The following AK3 variants were observed in gnomAD, a reference collection of about 807,000 sequenced individuals.
The protein encoded by AK3 is adenylate kinase 3.
In AK3, 27 loss-of-function variants were observed where a neutral mutation model predicts 23.7. The observed-to-expected ratio is 1.14, with a 90% CI of 0.84 to 1.57. The LOEUF is 1.57. Among genes scored for constraint, AK3 ranks in the 40% most tolerant of loss-of-function variants. The pLI, the probability that AK3 is intolerant of heterozygous loss-of-function variation, is 0.00. For missense variants in AK3, 406 were observed against 285.6 expected (o/e 1.42, Z -3.04); for synonymous variants, 159 against 116.0 (o/e 1.37, Z -2.38).
At chr9:4,713,558 T>C (rs1227700386) in intron 4 of AK3, among the ~76,000 whole-genome samples, 1 of 152,176 alleles carries the variant, frequency 6.6e-6, no homozygotes, top group Non-Finnish European at 1.5e-5. Flanking sequence ...CTTACTCTTT[T>C]GCAAAAGCTA....
intron 4 of AK3, 141 bp downstream of exon 4, chr9:4,718,278 G>C: frequency 1.5e-6 from 1 of 664,162 alleles, no homozygotes; most frequent in South Asian, 1.8e-5. Context: ...TGTTACACAA[G>C]CTAATGTATT....
At chr9:4,728,866 T>TATATATATATACACACAC (rs1395790351) in intron 1 of AK3, among the ~76,000 whole-genome samples, 4 of 87,900 alleles carry the variant, frequency 4.6e-5, no homozygotes, top group Non-Finnish European at 7.2e-5. Context: ...TATATATATA[T>TATATATATATACACACAC]ACACACACAC....
At chr9:4,736,764 A>C (rs1842303701) in intron 1 of AK3, among the ~76,000 whole-genome samples, 1 of 151,920 alleles carries the variant, frequency 6.6e-6, no homozygotes, top group African/African-American at 2.4e-5. Flanking sequence ...TGCAGCCTCG[A>C]ACTCCTGAGT....
Position 4,718,550 on chromosome 9 carries a change from A to G in AK3, c.445-13T>C, listed in dbSNP as rs1206077936. ...GGTCATCAATGCCCTAAACAGGATT[A>G]GAAGAGACTAGTATCAGATATCATA... On this transcript the variant is annotated splice_polypyrimidine_tract_variant and intron_variant, in intron 3 of 4. Coordinates refer to ENST00000381809, the MANE Select transcript of AK3 (RefSeq NM_016282.4). The G allele has an allele frequency of 6.6e-7, 1 of 1,519,800 alleles. No individual in the cohort carries two copies. Among genetic ancestry groups the G allele is most frequent in the African/African-American group, 1.4e-5 (1 of 73,006 alleles). 94.1% of individuals were successfully genotyped at this position (1,519,800 alleles called of 1,614,324 possible).
chr9:4,722,646 A>C (rs1841930738), intron 1 of AK3, 21 bp from the exon 2 acceptor site: 1 of 1,613,970 alleles, frequency 6.2e-7, no homozygotes, highest in Non-Finnish European at 8.5e-7. Flanking sequence ...GCGGGGAAAA[A>C]AATCAGTAAG....
intron 1 of AK3, among the ~76,000 whole-genome samples, chr9:4,733,753 A>C (rs974620162): frequency 1.3e-5 from 2 of 151,788 alleles, no homozygotes; most frequent in Non-Finnish European, 2.9e-5. Flanking sequence ...CTCCTCCCTC[A>C]TCCTCCCCAT....
rs1341209420 is a variant in AK3 at position 4,714,204 on chromosome 9, A to ACACACACC, written c.564-1109_564-1108insGGTGTGTG. Among the ~76,000 whole-genome samples the ACACACACC allele has an allele frequency of 4.1e-3, 400 of 98,096 alleles. 23 individuals carry two copies. The highest frequency in any genetic ancestry group is 4.7e-3 in the Non-Finnish European group (208 of 43,794). The allele number at this position is 98,096 out of a possible 152,430, so 64.4% of individuals were successfully genotyped here. On this transcript the variant is annotated intron_variant, in intron 4 of 4. Coordinates refer to ENST00000381809, the MANE Select transcript of AK3 (RefSeq NM_016282.4). Reference sequence around the variant, plus strand: ...CCTCCACATACACACACCTCCACATATACACCTCCACACATTCGCCTCCAC... The same window carrying ACACACACC: ...CCTCCACATACACACACCTCCACATACACACACCTACACCTCCACACATTCGCCTCCAC...
intron 1 of AK3, among the ~76,000 whole-genome samples, chr9:4,733,634 G>A (rs374211734): frequency 6.6e-6 from 1 of 152,160 alleles, no homozygotes; most frequent in Non-Finnish European, 1.5e-5. Context: ...TCCAGAAAGA[G>A]TTCCTGTTCC....
chr9:4,740,981 A>C lies in AK3; in HGVS notation c.107T>G (p.Leu36Arg), dbSNP rs1388369910. ...RITTHFELKHLSSGDLLRDNM... is the reference protein window; with the variant it reads ...RITTHFELKHRSSGDLLRDNM... ...GTCCCGGAGCAGGTCCCCGCTGGAG[A>C]GGTGCTTCAGCTCGAAGTGTGTAGT... The change falls in exon 1 of 5, where the codon CTC (leucine) becomes CGC (arginine). Residue 36 changes from leucine to arginine, a missense_variant. Leu to Arg is a moderately radical substitution (Grantham distance 102, BLOSUM62 -2). Transcript: ENST00000381809. The C allele has an allele frequency of 6.3e-7, 1 of 1,588,744 alleles. No individual in the cohort carries two copies. Among genetic ancestry groups the C allele is most frequent in the Non-Finnish European group, 8.5e-7 (1 of 1,169,824 alleles).
chr9:4,721,333 G>T (rs907270321), intron 2 of AK3, among the ~76,000 whole-genome samples: 4 of 151,150 alleles, frequency 2.6e-5, no homozygotes, highest in African/African-American at 4.9e-5. Context: ...AACTGAGGAG[G>T]AAGAGGTTGC....
chr9:4,734,018 A>G (rs1203251792), intron 1 of AK3, among the ~76,000 whole-genome samples: 1 of 152,206 alleles, frequency 6.6e-6, no homozygotes, highest in Non-Finnish European at 1.5e-5. Context: ...TATAGATGGA[A>G]GTATGTCTCC....
At chr9:4,713,133 GTC>G in intron 4 of AK3, 37 bp from the exon 5 acceptor site, 1 of 1,605,052 alleles carries the variant, frequency 6.2e-7, no homozygotes, top group Non-Finnish European at 8.5e-7. Flanking sequence ...ACACACACAG[GTC>G]TGAGTCTTCC....
intron 4 of AK3, among the ~76,000 whole-genome samples, chr9:4,713,569 CT>C (rs555476001): frequency 1.2e-3 from 178 of 152,266 alleles, no homozygotes; most frequent in Admixed American, 2.2e-3. Context: ...GCAAAAGCTA[CT>C]TTCTAATACT....
rs1162890394 is a variant in AK3, at chr9:4,735,274, A to AAT, written c.151+5661_151+5662dup. ...ATATATATATATAAATATATATATA[A>AAT]ATATATATACATATATAAATATATA... On this transcript the variant is annotated intron_variant, in intron 1 of 4. Coordinates refer to ENST00000381809, the MANE Select transcript of AK3 (RefSeq NM_016282.4). Among the ~76,000 whole-genome samples the AAT allele has an allele frequency of 2.1e-3, 20 of 9,678 alleles. 3 individuals are homozygous for AAT. The highest frequency in any genetic ancestry group is 3.7e-3 in the Admixed American group (4 of 1,084). The allele number at this position is 9,678 out of a possible 152,430, so 6.3% of individuals were successfully genotyped here. A position where few individuals can be genotyped will look rare whatever the true frequency, so the allele number is the denominator to read the frequency against.
chr9:4,727,722 AC>A (rs963587825), intron 1 of AK3, among the ~76,000 whole-genome samples: 1 of 152,072 alleles, frequency 6.6e-6, no homozygotes, highest in Non-Finnish European at 1.5e-5. Flanking sequence ...TGCACTTACA[AC>A]TTGGCTAACT....
At chr9:4,741,521 C>T (rs1297084358), upstream of AK3, among the ~76,000 whole-genome samples, 7 of 152,032 alleles carry the variant, frequency 4.6e-5, no homozygotes, top group Admixed American at 4.6e-4. Flanking sequence ...TCCGCGACCC[C>T]GGAACCCCGC....
intron 1 of AK3, among the ~76,000 whole-genome samples, chr9:4,724,169 GC>G (rs1224728467): frequency 6.6e-6 from 1 of 152,084 alleles, no homozygotes; most frequent in Non-Finnish European, 1.5e-5. Flanking sequence ...CACTAAAACA[GC>G]CTTATACTTA....
intron 1 of AK3, among the ~76,000 whole-genome samples, chr9:4,733,472 G>A (rs909099648): frequency 1.3e-5 from 2 of 152,168 alleles, no homozygotes; most frequent in Admixed American, 6.5e-5. Context: ...GGTAAATCAT[G>A]TTCATTTTAT....
rs777333105 is a variant in AK3 at position 4,741,005 on chromosome 9, G to C, written c.83C>G (p.Thr28Ser). The change falls in exon 1 of 5, where the codon ACT becomes AGT. Residue 28 changes from threonine to serine, a missense_variant. By Grantham distance (58) the Thr-to-Ser change is moderately conservative. Transcript: ENST00000381809. ...GAGGTGCTTCAGCTCGAAGTGTGTA[G>C]TGATGCGCGACGACACGGTGCCCTT... ...SGKGTVSSRI[T>S]THFELKHLSS... 2.7e-5 allele frequency: 43 copies of C among 1,595,940 alleles called. No individual in the cohort carries two copies. Among genetic ancestry groups the C allele is most frequent in the Non-Finnish European group, 3.6e-5 (42 of 1,173,094 alleles).
Sources: allele counts gnomAD v4.1 joint callset (sites outside exome capture counted in the v4.1 genomes callset), GRCh38; gene constraint gnomAD v4.1.1; transcripts MANE v1.5; gene names NCBI Gene and HGNC (gene_info 2026-07-23, HGNC 2026-07-21).